Variants in DDX56 observed in about 807,000 individuals in gnomAD.
DDX56 encodes the protein DEAD-box helicase 56, also known as probable ATP-dependent RNA helicase DDX56.
DDX56 carries 45 observed loss-of-function variants against 61.5 expected under a neutral mutation model. The ratio of observed to expected loss-of-function variants is 0.73; its 90% CI spans 0.58 to 0.94. The LOEUF (loss-of-function observed/expected upper bound fraction) is 0.94. Among genes scored for constraint, DDX56 ranks in the 40% least tolerant of loss-of-function variants. The pLI is 0.00. For missense variants in DDX56, 708 were observed against 690.7 expected, an observed-to-expected ratio of 1.02 and a Z score of -0.28; for synonymous variants, 273 against 268.3, an observed-to-expected ratio of 1.02 and a Z score of -0.17.
At chr7:44,573,131 G>A (rs1802722836) in intron 2 of DDX56, 81 bp from the exon 3 acceptor site, 5 of 1,323,128 alleles carry the variant, frequency 3.8e-6, no homozygotes, top group Non-Finnish European at 4.1e-6. Flanking sequence ...CAGCCTACCT[G>A]ACCCATCTGC....
chr7:44,569,321 G>A, intron 9 of DDX56, 118 bp from the exon 10 acceptor site: 1 of 918,278 alleles, frequency 1.1e-6, no homozygotes, highest in Admixed American at 2.5e-5. Context: ...CCGCCTTCCT[G>A]GGATGCCGAA....
chr7:44,566,628 G>T, intron 12 of DDX56, 104 bp from the exon 13 acceptor site: 1 of 856,818 alleles, frequency 1.2e-6, no homozygotes, highest in Non-Finnish European at 1.8e-6. Flanking sequence ...CCAACTGGCA[G>T]CCTATGACAT....
At position 44,573,623 on chromosome 7, in the gene DDX56, T is replaced by A; in HGVS notation, c.182A>T (p.Tyr61Phe). 6.2e-7 allele frequency: 1 copy of A among 1,613,886 alleles called. No homozygotes were observed. The highest frequency in any genetic ancestry group is 8.5e-7 in the Non-Finnish European group (1 of 1,180,018). ...ARTGSGKTAA[Y>F]AIPMLQLLLH... ...CAACAGCTGCAGCATCGGAATAGCA[T>A]AAGCGGCCGTCTTCCCGGAGCCCGT... is the stretch of plus-strand genomic sequence containing the variant. The change falls in exon 2 of 14, where the codon TAT becomes TTT. Residue 61 changes from tyrosine to phenylalanine, a missense_variant. Tyr to Phe is a conservative substitution (Grantham distance 22). Transcript: ENST00000258772.
Position 44,573,738 on chromosome 7 carries a change from T to C in DDX56, c.67A>G (p.Thr23Ala). 6.2e-7 allele frequency: 1 copy of C among 1,613,434 alleles called. No homozygotes were observed. Among genetic ancestry groups the C allele is most frequent in the Non-Finnish European group, 8.5e-7 (1 of 1,179,928 alleles). ...GTAGGTCGCGACCAGCCCAGATCGGTGACAGCCTAGGAGACCAGGAGTGCG... is the reference window on the plus strand; with the variant it reads ...GTAGGTCGCGACCAGCCCAGATCGGCGACAGCCTAGGAGACCAGGAGTGCG... The part of the protein sequence containing the change: ...GLDPRLLQAV[T>A]DLGWSRPTLI... Residue 23 changes from threonine to alanine, a missense_variant, in exon 2 of 14, where the codon ACC (threonine) becomes GCC (alanine). By Grantham distance (58) the Thr-to-Ala change is moderately conservative. Transcript: ENST00000258772.
chr7:44,573,182 G>A, intron 2 of DDX56, 132 bp from the exon 3 acceptor site: 1 of 790,474 alleles, frequency 1.3e-6, no homozygotes. Context: ...CTATCACTCT[G>A]CCCGCCTCAG....
chr7:44,566,703 T>G (rs1379483047), intron 12 of DDX56, among the ~76,000 whole-genome samples, 179 bp from the exon 13 acceptor site: 1 of 152,144 alleles, frequency 6.6e-6, no homozygotes, highest in Non-Finnish European at 1.5e-5. Flanking sequence ...CTTCCACTAT[T>G]TAAATCACTC....
In DDX56 at chr7:44,569,138, G is replaced by T; in HGVS notation, c.1285C>A (p.Arg429Ser). 6.2e-7 allele frequency: 1 copy of T among 1,613,828 alleles called. No individual in the cohort carries two copies. Among genetic ancestry groups the T allele is most frequent in the Non-Finnish European group, 8.5e-7 (1 of 1,179,744 alleles). Residue 429 changes from arginine to serine, a missense_variant, in exon 10 of 14, where the codon CGC (arginine) becomes AGC (serine). Transcript: ENST00000258772. ...CCACCACAGCAGCTCACCCTGCAGC[G>T]ATAGCGGAAGCCCTCGATCTCCTCC... Reference protein sequence around the residue: ...RMEEIEGFRYRCRDAMRSVTK... With the variant: ...RMEEIEGFRYSCRDAMRSVTK...
chr7:44,566,205 T>C (rs1487820536), intron 13 of DDX56, 126 bp from the exon 14 acceptor site: 23 of 636,108 alleles, frequency 3.6e-5, no homozygotes, highest in African/African-American at 6.3e-5. Context: ...GACCAGAAGG[T>C]GCTGCAGATA....
intron 7 of DDX56, 88 bp from the exon 8 acceptor site, chr7:44,570,216 C>T (rs1802638127): frequency 1.2e-5 from 18 of 1,499,304 alleles, no homozygotes; most frequent in Non-Finnish European, 1.8e-6. Flanking sequence ...CCTCTAAATG[C>T]CTGTAGATCA....
In DDX56 at chr7:44,572,335, G is replaced by A; in HGVS notation, c.645+12C>T. On this transcript the variant is annotated intron_variant, in intron 5 of 13. Transcript: ENST00000258772. ...TGTCTGCAGCTCCAGACACTTCCATGGTGCCTCTTACCGGGTTATGTAATA... is the reference window on the plus strand; with the variant it reads ...TGTCTGCAGCTCCAGACACTTCCATAGTGCCTCTTACCGGGTTATGTAATA... The A allele has an allele frequency of 1.9e-6, 3 of 1,609,600 alleles. No individual in the cohort carries two copies. Among genetic ancestry groups the A allele is most frequent in the Non-Finnish European group, 2.6e-6 (3 of 1,176,252 alleles).
chr7:44,570,958 A>G (rs151304168), intron 6 of DDX56, 81 bp from the exon 7 acceptor site: 2 of 1,495,930 alleles, frequency 1.3e-6, no homozygotes, highest in African/African-American at 2.8e-5. Flanking sequence ...CACAGTAACC[A>G]TCACCCTTTC....
At chr7:44,569,285 C>T (rs970969557) in intron 9 of DDX56, 82 bp from the exon 10 acceptor site, 48 of 1,358,954 alleles carry the variant, frequency 3.5e-5, no homozygotes, top group Non-Finnish European at 4.8e-5. Flanking sequence ...GCACCTCCCC[C>T]TTGGGGGAAA....
In DDX56 at chr7:44,572,336, G is replaced by C. The variant is rs780471678; in HGVS notation, c.645+11C>G. 1 of 1,610,330 alleles carries C rather than the reference G, an allele frequency of 6.2e-7. No individual in the cohort carries two copies. Among genetic ancestry groups the C allele is most frequent in the African/African-American group, 1.3e-5 (1 of 74,806 alleles). Reference sequence around the variant, plus strand: ...GTCTGCAGCTCCAGACACTTCCATGGTGCCTCTTACCGGGTTATGTAATAT... The same window carrying C: ...GTCTGCAGCTCCAGACACTTCCATGCTGCCTCTTACCGGGTTATGTAATAT... On this transcript the variant is annotated intron_variant, in intron 5 of 13. Transcript: ENST00000258772.
At position 44,568,905 on chromosome 7, in the gene DDX56, T is replaced by C. The variant is rs1415225407; in HGVS notation, c.1381A>G (p.Lys461Glu). 6.2e-7 allele frequency: 1 copy of C among 1,613,142 alleles called. No homozygotes were observed. Among genetic ancestry groups the C allele is most frequent in the Admixed American group, 1.7e-5 (1 of 60,020 alleles). ...CTTCTCACCTCCCATCCACTCACCTTAAGCTTCTCAGAATGCAGAAGCTCT... is the reference window on the plus strand; with the variant it reads ...CTTCTCACCTCCCATCCACTCACCTCAAGCTTCTCAGAATGCAGAAGCTCT... ...KEELLHSEKLKTYFEDNPRDL... is the reference protein window; with the variant it reads ...KEELLHSEKLETYFEDNPRDL... The change falls in exon 11 of 14, where the codon AAG becomes GAG. Residue 461 changes from lysine (K) to glutamate (E), a missense_variant and splice_region_variant. Transcript: ENST00000258772.
chr7:44,573,680 A>G lies in DDX56; in HGVS notation c.125T>C (p.Leu42Pro). ...CCGAGCCAGGAGGTCCTTCCCTTCTAGGGCCAGTGGGATGGCCTTCTCCTG... is the reference window on the plus strand; with the variant it reads ...CCGAGCCAGGAGGTCCTTCCCTTCTGGGGCCAGTGGGATGGCCTTCTCCTG... ...LIQEKAIPLA[L>P]EGKDLLARAR... Residue 42 changes from leucine (L) to proline (P), a missense_variant, in exon 2 of 14, where the codon CTA becomes CCA. Physicochemically the swap from Leu to Pro is moderately conservative, Grantham distance 98. Coordinates refer to ENST00000258772, the MANE Select transcript of DDX56 (RefSeq NM_019082.4). 6.2e-7 allele frequency: 1 copy of G among 1,613,756 alleles called. No individual in the cohort carries two copies.
In DDX56 at chr7:44,566,055, G is replaced by A. The variant is rs764223392; in HGVS notation, c.1591C>T (p.Arg531Cys). 8.1e-6 allele frequency: 13 copies of A among 1,612,440 alleles called. No homozygotes were observed. In the African/African-American group the frequency reaches 9.3e-5, roughly 12 times the overall value. The change falls in exon 14 of 14, where the codon CGC becomes TGC. Residue 531 changes from arginine (R) to cysteine (C), a missense_variant. Transcript: ENST00000258772. ...TTCTTTCCTTTGTGCTTGAAGCTGCGCAGTGGGTTCTGGGACTTTGCTCTC... is the reference window on the plus strand; with the variant it reads ...TTCTTTCCTTTGTGCTTGAAGCTGCACAGTGGGTTCTGGGACTTTGCTCTC... ...AKRAKSQNPL[R>C]SFKHKGKKFR...
intron 13 of DDX56, 32 bp from the exon 14 acceptor site, chr7:44,566,111 G>C: frequency 6.9e-7 from 1 of 1,458,280 alleles, no homozygotes; most frequent in Non-Finnish European, 9.4e-7. Flanking sequence ...TTAGTTGGGG[G>C]AATCAGGCCG....
intron 11 of DDX56, 85 bp from the exon 12 acceptor site, chr7:44,568,308 C>T (rs997186207): frequency 2.1e-6 from 2 of 967,278 alleles, no homozygotes; most frequent in Non-Finnish European, 3.1e-6. Context: ...ATAACACACT[C>T]ATGTGTTTCA....
rs769720563 is a variant in DDX56, at chr7:44,573,664, G to A, written c.141C>T (p.Leu47=). 6.2e-7 allele frequency: 1 copy of A among 1,613,828 alleles called. No individual in the cohort carries two copies. ...AIPLALEGKD[L]LARARTGSGK... ...CGGAGCCCGTGCGGGCCCGAGCCAGGAGGTCCTTCCCTTCTAGGGCCAGTG... is the reference window on the plus strand; with the variant it reads ...CGGAGCCCGTGCGGGCCCGAGCCAGAAGGTCCTTCCCTTCTAGGGCCAGTG... The change falls in exon 2 of 14, where the codon CTC becomes CTT. Residue 47 remains leucine, a synonymous_variant. Coordinates refer to ENST00000258772, the MANE Select transcript of DDX56 (RefSeq NM_019082.4).
Sources: gnomAD v4.1 joint callset for allele counts (sites outside exome capture counted in the v4.1 genomes callset) on GRCh38, gnomAD v4.1.1 for gene constraint, MANE v1.5 for transcripts, NCBI Gene and HGNC (gene_info 2026-07-23, HGNC 2026-07-21) for gene names.